The following CYP4Z1 variants were observed in gnomAD, a reference collection of about 807,000 sequenced individuals.
CYP4Z1 encodes cytochrome P450 family 4 subfamily Z member 1, also known as cytochrome P450 4Z1.
A neutral mutation model predicts 54.2 loss-of-function variants in CYP4Z1; 41 were observed. The ratio of observed to expected loss-of-function variants is 0.76; its 90% confidence interval spans 0.59 to 0.98. The LOEUF is 0.98. Among genes scored for constraint, CYP4Z1 ranks in the 50% least tolerant of loss-of-function variants. The pLI is 0.00. For synonymous variants in CYP4Z1, 163 were observed against 206.2 expected (o/e 0.79, Z 1.79); for missense variants, 513 against 599.0 (o/e 0.86, Z 1.50).
intron 2 of CYP4Z1, among the ~76,000 whole-genome samples, chr1:47,073,768 A>G (rs1370495050): frequency 2.0e-5 from 3 of 151,448 alleles, no homozygotes; most frequent in African/African-American, 7.3e-5. Context: ...ATGTCTATTC[A>G]AGTCCTTTGC....
intron 6 of CYP4Z1, among the ~76,000 whole-genome samples, chr1:47,089,435 A>G (rs1644622260): frequency 6.6e-6 from 1 of 151,930 alleles, no homozygotes; most frequent in Non-Finnish European, 1.5e-5. Flanking sequence ...ACATTGTGGA[A>G]GTTATTCTCT....
chr1:47,093,703 A>G (rs1296155865), intron 6 of CYP4Z1, among the ~76,000 whole-genome samples: 1 of 152,204 alleles, frequency 6.6e-6, no homozygotes, highest in Non-Finnish European at 1.5e-5. Context: ...TATGGAGACT[A>G]AAATTTGGCT....
chr1:47,061,215 G>T, the CYP4Z1 span, among the ~76,000 whole-genome samples: 4 of 152,064 alleles, frequency 2.6e-5, no homozygotes, highest in African/African-American at 9.7e-5. Context: ...TGAGCTGAAA[G>T]AAATCAAAAC....
In CYP4Z1 at chr1:47,082,367, G is replaced by T. The variant is rs1399206420; in HGVS notation, c.398G>T (p.Trp133Leu). The change falls in exon 4 of 12, where the codon TGG becomes TTG. Residue 133 changes from tryptophan (W) to leucine (L), a missense_variant. Transcript: ENST00000334194. ...RGLVTLDGSK[W>L]KKHRQIVKPG... is the part of the protein sequence containing the mutation. ...CTTGTGACCCTGGATGGTTCTAAATGGAAAAAGCACCGCCAGATTGTGAAA... is the reference window on the plus strand; with the variant it reads ...CTTGTGACCCTGGATGGTTCTAAATTGAAAAAGCACCGCCAGATTGTGAAA... 6.2e-7 allele frequency: 1 copy of T among 1,612,424 alleles called. No homozygotes were observed.
chr1:47,097,799 G>A (rs1172114550), intron 7 of CYP4Z1, among the ~76,000 whole-genome samples: 2 of 148,342 alleles, frequency 1.3e-5, no homozygotes, highest in Non-Finnish European at 3.0e-5. Flanking sequence ...GGCTATTCAG[G>A]CTCTTTTTCA....
rs1644832514 is a variant in CYP4Z1 at position 47,116,677 on chromosome 1, G to GA, written c.1298dup (p.Asn433LysfsTer3). 2 of 1,611,574 alleles carry GA rather than the reference G, an allele frequency of 1.2e-6. No homozygotes were observed. The highest frequency in any genetic ancestry group is 2.2e-5 in the South Asian group (2 of 90,786). On this transcript the variant is annotated frameshift_variant, in exon 11 of 12. Transcript: ENST00000334194. LOFTEE classifies it high-confidence loss of function. ...CTTTAACCCCTTGAGATTCTCCAGG[G>GA]AAAATTCTGAAAAAATACATCCCTA...
the CYP4Z1 span, among the ~76,000 whole-genome samples, chr1:47,059,094 C>G: frequency 6.6e-6 from 1 of 151,976 alleles, no homozygotes; most frequent in Admixed American, 6.6e-5. Flanking sequence ...TTAAATAGAA[C>G]AATTTGCAAG....
chr1:47,055,802 T>C, the CYP4Z1 span, among the ~76,000 whole-genome samples: 4 of 152,322 alleles, frequency 2.6e-5, no homozygotes, highest in East Asian at 7.7e-4. Flanking sequence ...TATTTGATTC[T>C]TCTCTCTTTT....
rs539664411 is a variant in CYP4Z1, at chr1:47,086,374, A to G, written c.772+1396A>G. On this transcript the variant is annotated intron_variant, in intron 6 of 11. Transcript: ENST00000334194. Reference sequence around the variant, plus strand: ...GCACCTGTTGTTTCCTGACTTTTTAATGATCGCCTTTCTAACTGGTGTGAG... The same window carrying G: ...GCACCTGTTGTTTCCTGACTTTTTAGTGATCGCCTTTCTAACTGGTGTGAG... Among the ~76,000 whole-genome samples, 717 of 152,108 alleles carry G rather than the reference A, an allele frequency of 4.7e-3. 5 individuals are homozygous for G. The highest frequency in any genetic ancestry group is 0.016 in the African/African-American group (679 of 41,480).
At chr1:47,112,927 C>A (rs983087174) in intron 9 of CYP4Z1, among the ~76,000 whole-genome samples, 3 of 151,882 alleles carry the variant, frequency 2.0e-5, no homozygotes, top group African/African-American at 7.3e-5. Context: ...ACTTCAGTGC[C>A]ATATTGGCAC....
chr1:47,095,974 T>A (rs567027367), intron 7 of CYP4Z1, among the ~76,000 whole-genome samples: 3 of 152,320 alleles, frequency 2.0e-5, no homozygotes, highest in Non-Finnish European at 2.9e-5. Flanking sequence ...AAATAAATAC[T>A]CTGTGAACTC....
At position 47,067,671 on chromosome 1, in the gene CYP4Z1, A is replaced by G; in HGVS notation, c.177+4A>G. 1 of 1,594,528 alleles carries G rather than the reference A, an allele frequency of 6.3e-7. No individual in the cohort carries two copies. The highest frequency in any genetic ancestry group is 1.1e-5 in the South Asian group (1 of 88,100). On this transcript the variant is annotated splice_donor_region_variant and intron_variant, in intron 1 of 11. Transcript: ENST00000334194. ...CTGGTTCTATGGCCACAAGGAGGTA[A>G]GAGGAGAAAATTAGTTGGGGAGGTT...
intron 2 of CYP4Z1, chr1:47,075,712 TG>T (rs1644515845): frequency 5.7e-6 from 1 of 173,942 alleles, no homozygotes; most frequent in Non-Finnish European, 1.2e-5. Context: ...TGTGATGAGC[TG>T]CCCAGGGTGG....
chr1:47,077,251 G>A (rs932893706), intron 2 of CYP4Z1, among the ~76,000 whole-genome samples: 2 of 152,016 alleles, frequency 1.3e-5, no homozygotes, highest in South Asian at 4.2e-4. Flanking sequence ...CTCATATACT[G>A]TGGGGTTCTA....
rs577874475 is a variant in CYP4Z1, at chr1:47,102,033, T to C, written c.1067+2749T>C. ...TAATAACTTTCTATGTCTTTTTTAC[T>C]ACTTTTTACTTTTTCTCTGATATAA... On this transcript the variant is annotated intron_variant, in intron 8 of 11. Transcript: ENST00000334194. Among the ~76,000 whole-genome samples, 161 of 152,262 alleles carry C rather than the reference T, an allele frequency of 1.1e-3. 2 individuals carry two copies. Among genetic ancestry groups the C allele is most frequent in the African/African-American group, 3.8e-3 (156 of 41,560 alleles).
intron 8 of CYP4Z1, among the ~76,000 whole-genome samples, chr1:47,101,896 A>T (rs1476413121): frequency 6.6e-6 from 1 of 152,108 alleles, no homozygotes; most frequent in Non-Finnish European, 1.5e-5. Context: ...ATGAAAGTGT[A>T]TCTCTTTAGA....
rs1216166996 is a variant in CYP4Z1, at chr1:47,082,484, G to A, written c.492+23G>A. 4 of 1,594,628 alleles carry A rather than the reference G, an allele frequency of 2.5e-6. No individual in the cohort carries two copies. The African/African-American group carries it at 4.0e-5, about 16-fold the overall frequency. On this transcript the variant is annotated intron_variant, in intron 4 of 11. Transcript: ENST00000334194. ...CTGGTAAGAGGAGAAGAGAGCATTC[G>A]TACCTGGCCTCTGAAGTGAGGTGCT... is the stretch of plus-strand genomic sequence containing the variant.
At chr1:47,074,432 C>T (rs890497492) in intron 2 of CYP4Z1, among the ~76,000 whole-genome samples, 1 of 151,810 alleles carries the variant, frequency 6.6e-6, no homozygotes, top group Non-Finnish European at 1.5e-5. Context: ...TACATTAATT[C>T]ACTTAGGATA....
chr1:47,116,171 T>C (rs1381428064), intron 10 of CYP4Z1, among the ~76,000 whole-genome samples: 2 of 152,166 alleles, frequency 1.3e-5, no homozygotes, highest in African/African-American at 4.8e-5. Context: ...ACAGAGACTT[T>C]CGGGCAGAAG....
Sources: gnomAD v4.1 joint callset for allele counts (sites outside exome capture counted in the v4.1 genomes callset) on GRCh38, gnomAD v4.1.1 for gene constraint, MANE v1.5 for transcripts, NCBI Gene and HGNC (gene_info 2026-07-23, HGNC 2026-07-21) for gene names.